The following MEIOB variants were observed in gnomAD, a reference collection of about 807,000 sequenced individuals.
MEIOB encodes meiosis-specific with OB domain-containing protein.
MEIOB carries 50 observed loss-of-function variants against 53.1 expected under a neutral mutation model. The ratio of observed to expected loss-of-function variants is 0.94; its 90% CI spans 0.75 to 1.19. The LOEUF is 1.19. Ranked by LOEUF, MEIOB falls within the 50% of genes most tolerant of loss-of-function variation. The pLI, the probability that MEIOB is intolerant of heterozygous loss-of-function variation, is 0.00. For missense variants in MEIOB, 551 were observed against 550.8 expected (o/e 1.00, Z 0.00); for synonymous variants, 192 against 182.5 (o/e 1.05, Z -0.42).
intron 13 of MEIOB, among the ~76,000 whole-genome samples, chr16:1,837,530 C>T (rs979327416): frequency 1.3e-5 from 2 of 152,132 alleles, no homozygotes; most frequent in Non-Finnish European, 2.9e-5. Flanking sequence ...GCCCTTTCCC[C>T]TGTTTTGGAT....
Position 1,853,098 on chromosome 16 carries a change from T to C in MEIOB, c.719A>G (p.Lys240Arg). Residue 240 changes from lysine (K) to arginine (R), a missense_variant, in exon 9 of 14, where the codon AAA (lysine) becomes AGA (arginine). Transcript: ENST00000325962. The part of the protein sequence containing the change: ...FASDVRINFD[K>R]FRNCMTATVI... ...AGTTGCTGTCATGCAGTTCCGAAATTTGTCAAAATTTATTCTTACATCTGA... is the reference window on the plus strand; with the variant it reads ...AGTTGCTGTCATGCAGTTCCGAAATCTGTCAAAATTTATTCTTACATCTGA... 6.2e-7 allele frequency: 1 copy of C among 1,613,018 alleles called. No homozygotes were observed. The highest frequency in any genetic ancestry group is 1.1e-5 in the South Asian group (1 of 91,022).
Position 1,869,574 on chromosome 16 carries a change from A to G in MEIOB, c.-9-1390T>C, listed in dbSNP as rs1899681485. On this transcript the variant is annotated intron_variant, in intron 1 of 13. Coordinates refer to ENST00000325962, the MANE Select transcript of MEIOB (RefSeq NM_001163560.3). ...GCCATTCTCCCACCTCAGCCTCCCGAGTAGCTGGGATTACAGGCACCTGCC... is the reference window on the plus strand; with the variant it reads ...GCCATTCTCCCACCTCAGCCTCCCGGGTAGCTGGGATTACAGGCACCTGCC... Among the ~76,000 whole-genome samples, 3 of 151,818 alleles carry G rather than the reference A, an allele frequency of 2.0e-5. No individual in the cohort carries two copies. The South Asian group carries it at 6.3e-4, about 32-fold the overall frequency.
At chr16:1,836,431 T>C (rs987409241) in intron 13 of MEIOB, among the ~76,000 whole-genome samples, 1 of 152,170 alleles carries the variant, frequency 6.6e-6, no homozygotes, top group African/African-American at 2.4e-5. Flanking sequence ...AAGTGGTGCC[T>C]CCTGTCTGGA....
At chr16:1,846,770 G>A (rs1486884138) in intron 9 of MEIOB, among the ~76,000 whole-genome samples, 1 of 152,138 alleles carries the variant, frequency 6.6e-6, no homozygotes, top group Non-Finnish European at 1.5e-5. Context: ...TGGACACAGG[G>A]AGGGGAACAA....
At chr16:1,868,069 G>T in intron 2 of MEIOB, 38 bp downstream of exon 2, 1 of 1,084,778 alleles carries the variant, frequency 9.2e-7, no homozygotes, top group Non-Finnish European at 1.4e-6. Flanking sequence ...CACATAAAAT[G>T]TCATCAGTAA....
Position 1,857,791 on chromosome 16 carries a change from C to T in MEIOB, c.472G>A (p.Ala158Thr). 1 of 1,551,854 alleles carries T rather than the reference C, an allele frequency of 6.4e-7. No individual in the cohort carries two copies. The highest frequency in any genetic ancestry group is 8.7e-7 in the Non-Finnish European group (1 of 1,146,956). The change falls in exon 6 of 14, where the codon GCA becomes ACA. Residue 158 changes from alanine to threonine, a missense_variant. Ala to Thr is a moderately conservative substitution (Grantham distance 58, BLOSUM62 0). Transcript: ENST00000325962. ...HDYYSLGDIV[A>T]NGHSLNGRII... Reference sequence around the variant, plus strand: ...CTCCCATTAAGACTGTGTCCATTTGCAACAATGTCACCCAGTGAATAATAA... The same window carrying T: ...CTCCCATTAAGACTGTGTCCATTTGTAACAATGTCACCCAGTGAATAATAA...
chr16:1,839,477 T>C, intron 11 of MEIOB, 39 bp from the exon 12 acceptor site: 1 of 1,539,360 alleles, frequency 6.5e-7, no homozygotes, highest in Non-Finnish European at 8.8e-7. Context: ...TGTGATGCCC[T>C]AAGCTACAAA....
intron 11 of MEIOB, 139 bp from the exon 12 acceptor site, chr16:1,839,577 A>G (rs1338602234): frequency 4.2e-6 from 3 of 709,080 alleles, no homozygotes; most frequent in African/African-American, 3.7e-5. Flanking sequence ...TGCGGTCTAC[A>G]AGACAGTCGT....
At chr16:1,867,037 T>C (rs993171786) in intron 2 of MEIOB, among the ~76,000 whole-genome samples, 5 of 152,188 alleles carry the variant, frequency 3.3e-5, no homozygotes, top group Non-Finnish European at 4.4e-5. Flanking sequence ...TATTAGCAAA[T>C]AGTTTACCTT....
intron 10 of MEIOB, among the ~76,000 whole-genome samples, chr16:1,844,310 G>A (rs745578856): frequency 7.3e-5 from 11 of 151,676 alleles, no homozygotes; most frequent in African/African-American, 1.2e-4. Context: ...TTTTAGTAGA[G>A]ACGGGATTTC....
chr16:1,871,519 CTTTTTTTTT>C (rs71148106), intron 1 of MEIOB, among the ~76,000 whole-genome samples: 3 of 39,816 alleles, frequency 7.5e-5, no homozygotes, highest in African/African-American at 1.1e-4. Context: ...GCGCCCGGCC[CTTTTTTTTT>C]TTTTTTTTTT....
At chr16:1,835,229 G>C (rs1357023060) in intron 13 of MEIOB, among the ~76,000 whole-genome samples, 1 of 151,554 alleles carries the variant, frequency 6.6e-6, no homozygotes, top group African/African-American at 2.4e-5. Context: ...GCTCCAGCCT[G>C]TGTGACAGAG....
intron 12 of MEIOB, among the ~76,000 whole-genome samples, 154 bp downstream of exon 12, chr16:1,839,101 A>G (rs1409149265): frequency 1.3e-5 from 2 of 152,206 alleles, no homozygotes; most frequent in African/African-American, 4.8e-5. Context: ...TTGTTCATCA[A>G]AGCAATGTGT....
chr16:1,842,942 G>T (rs1898949605), intron 10 of MEIOB, among the ~76,000 whole-genome samples: 1 of 149,182 alleles, frequency 6.7e-6, no homozygotes, highest in Non-Finnish European at 1.5e-5. Context: ...GATTACAGGC[G>T]TGAGCCACCG....
chr16:1,854,523 G>A (rs1742425), intron 6 of MEIOB, among the ~76,000 whole-genome samples: 36,057 of 152,150 alleles, frequency 0.24, 4,571 homozygotes, highest in South Asian at 0.37. Context: ...CTCGAGGGCA[G>A]GGACTGTGTT....
At chr16:1,862,729 CCAA>C (rs1899478379) in intron 3 of MEIOB, among the ~76,000 whole-genome samples, 1 of 151,912 alleles carries the variant, frequency 6.6e-6, no homozygotes, top group Non-Finnish European at 1.5e-5. Context: ...ACCAGTCTGG[CCAA>C]CATGGTGAAA....
At chr16:1,862,619 C>G (rs1899475161) in intron 3 of MEIOB, among the ~76,000 whole-genome samples, 1 of 152,000 alleles carries the variant, frequency 6.6e-6, no homozygotes, top group Admixed American at 6.6e-5. Context: ...GACCCCGTCC[C>G]AAAAATAAAA....
intron 9 of MEIOB, among the ~76,000 whole-genome samples, chr16:1,847,264 C>T (rs1899049972): frequency 6.6e-6 from 1 of 151,850 alleles, no homozygotes; most frequent in Admixed American, 6.6e-5. Context: ...GAGTTCAAGA[C>T]CAGGCTGGCC....
Position 1,860,431 on chromosome 16 carries a change from CT to C in MEIOB, c.303del (p.Glu102LysfsTer23), listed in dbSNP as rs1255516216. On this transcript the variant is annotated frameshift_variant, in exon 5 of 14. Coordinates refer to ENST00000325962, the MANE Select transcript of MEIOB (RefSeq NM_001163560.3). LOFTEE classifies it high-confidence loss of function. ...GGAGTTGCAGGGCTGAATTTTTCTT[CT>C]CTTTCTATTTCCTTTCTTTGGATCA... ...NPLIQRKEIEREEKFSPATPS... is the reference protein window; with the variant it reads ...NPLIQRKEIEXEEKFSPATPS... 6.5e-7 allele frequency: 1 copy of C among 1,547,094 alleles called. No individual in the cohort carries two copies. The highest frequency in any genetic ancestry group is 2.4e-5 in the East Asian group (1 of 40,842).
Sources: gnomAD v4.1 joint callset for allele counts (sites outside exome capture counted in the v4.1 genomes callset) on GRCh38, gnomAD v4.1.1 for gene constraint, MANE v1.5 for transcripts, NCBI Gene and HGNC (gene_info 2026-07-23, HGNC 2026-07-21) for gene names.